Variants in TCOF1 observed in about 807,000 individuals in gnomAD.
TCOF1 encodes treacle ribosome biogenesis factor 1.
Under a neutral mutation model 149.0 loss-of-function variants are expected in TCOF1, and 33 were observed. The ratio of observed to expected loss-of-function variants is 0.22; its 90% CI spans 0.17 to 0.30. The LOEUF (loss-of-function observed/expected upper bound fraction) is 0.30. Among genes scored for constraint, TCOF1 ranks in the 10% least tolerant of loss-of-function variants. TCOF1 has a pLI of 1.00. For synonymous variants in TCOF1, 789 were observed against 738.8 expected (o/e 1.07, Z -1.10); for missense variants, 1,728 against 1,840.7 (o/e 0.94, Z 1.12).
intron 2 of TCOF1, among the ~76,000 whole-genome samples, chr5:150,363,181 C>T (rs548947736): frequency 1.1e-4 from 17 of 152,246 alleles, no homozygotes; most frequent in African/African-American, 4.1e-4. Context: ...TAGCTGGGAA[C>T]AAACCAGAGA....
chr5:150,372,251 A>C lies in TCOF1; in HGVS notation c.870+15A>C. ...CACGAAGCCAGGTGAGGCCTGGAGG[A>C]GGGCTGCCCCTTGGAGGACCTGCGG... On this transcript the variant is annotated intron_variant, in intron 7 of 26. Transcript: ENST00000643257. The C allele has an allele frequency of 6.3e-7, 1 of 1,598,208 alleles. No individual in the cohort carries two copies. The highest frequency in any genetic ancestry group is 8.5e-7 in the Non-Finnish European group (1 of 1,172,684).
chr5:150,360,132 G>A (rs1759702554), intron 1 of TCOF1, among the ~76,000 whole-genome samples: 1 of 152,170 alleles, frequency 6.6e-6, no homozygotes, highest in Admixed American at 6.5e-5. Context: ...ACTGACAGAT[G>A]GTCTTGTTCA....
Position 150,374,331 on chromosome 5 carries a change from G to C in TCOF1, c.1028G>C (p.Ser343Thr), listed in dbSNP as rs144327167. 1 of 1,571,548 alleles carries C rather than the reference G, an allele frequency of 6.4e-7. No homozygotes were observed. Among genetic ancestry groups the C allele is most frequent in the Admixed American group, 1.9e-5 (1 of 53,488 alleles). The change falls in exon 8 of 27, where the codon AGC (serine) becomes ACC (threonine). Residue 343 changes from serine to threonine, a missense_variant. By Grantham distance (58) the Ser-to-Thr change is moderately conservative (BLOSUM62 1). Coordinates refer to ENST00000643257, the MANE Select transcript of TCOF1 (RefSeq NM_001371623.1). ...CCAGAGGAGGACTCAGAGAGCAGCA[G>C]CGAGGAGTCATCTGACAGTGAGGAG... ...GKPEEDSESS[S>T]EESSDSEEET...
chr5:150,387,967 C>T lies in TCOF1; in HGVS notation c.2925C>T (p.Pro975=), dbSNP rs747824448. 2.4e-5 allele frequency: 38 copies of T among 1,613,898 alleles called. No homozygotes were observed. Among genetic ancestry groups the T allele is most frequent in the East Asian group, 8.9e-5 (4 of 44,894 alleles). The change falls in exon 18 of 27, where the codon CCC becomes CCT. Residue 975 remains proline, a synonymous_variant. Coordinates refer to ENST00000643257, the MANE Select transcript of TCOF1 (RefSeq NM_001371623.1). The part of the protein sequence containing the change: ...NRSPAGPAAT[P]AQAQAASTPR... ...GTCCAGCTGGCCCAGCTGCTACACC[C>T]GCACAAGCCCAGGCTGCAAGCACCC...
chr5:150,370,165 A>G (rs1324399753), intron 6 of TCOF1, among the ~76,000 whole-genome samples: 1 of 152,172 alleles, frequency 6.6e-6, no homozygotes, highest in Admixed American at 6.5e-5. Context: ...GAATATAGTG[A>G]TGAGCAGGAC....
intron 18 of TCOF1, among the ~76,000 whole-genome samples, chr5:150,388,754 A>G (rs1325833347): frequency 1.3e-5 from 2 of 152,190 alleles, no homozygotes; most frequent in Admixed American, 1.3e-4. Context: ...CCTGGGTAAC[A>G]TGGCGAAACC....
At chr5:150,379,993 A>G (rs1581144920) in intron 17 of TCOF1, 1 of 434,886 alleles carries the variant, frequency 2.3e-6, no homozygotes, top group East Asian at 5.1e-5. Context: ...AATCCCTAGA[A>G]CCTGGGAGGC....
Position 150,364,264 on chromosome 5 carries a change from G to A in TCOF1, c.304+12G>A. The A allele has an allele frequency of 2.5e-6, 4 of 1,614,082 alleles. No individual in the cohort carries two copies. Among genetic ancestry groups the A allele is most frequent in the Non-Finnish European group, 3.4e-6 (4 of 1,179,968 alleles). On this transcript the variant is annotated intron_variant, in intron 3 of 26. Transcript: ENST00000643257. ...AACCGCCAAAGCCAGTAAGAGCCTTGCAGCTTTGGGAACAGGCTATGGAAT... is the reference window on the plus strand; with the variant it reads ...AACCGCCAAAGCCAGTAAGAGCCTTACAGCTTTGGGAACAGGCTATGGAAT...
chr5:150,399,467 C>T (rs7702237), intron 26 of TCOF1, among the ~76,000 whole-genome samples: 12,554 of 152,060 alleles, frequency 0.083, 596 homozygotes, highest in African/African-American at 0.12. Context: ...ATGGTTTACT[C>T]AAGATGAGCT....
chr5:150,385,992 T>C (rs1238459705), intron 17 of TCOF1, among the ~76,000 whole-genome samples: 2 of 152,166 alleles, frequency 1.3e-5, no homozygotes, highest in Admixed American at 1.3e-4. Flanking sequence ...GCCGTTTCAT[T>C]AAACGGGAAA....
rs749600988 is a variant in TCOF1 at position 150,379,594 on chromosome 5, C to T, written c.2721C>T (p.Pro907=). The T allele has an allele frequency of 6.8e-6, 11 of 1,614,066 alleles. No homozygotes were observed. The East Asian group carries it at 1.6e-4, about 23-fold the overall frequency. The part of the protein sequence containing the change: ...RAALAPAKES[P]RKGAAPTPPG... ...CCTTGGCTCCTGCCAAGGAGTCCCC[C>T]AGGAAAGGGGCTGCCCCAACACCTC... The change falls in exon 17 of 27, where the codon CCC becomes CCT. Residue 907 remains proline (P), a synonymous_variant. Transcript: ENST00000643257.
chr5:150,375,352 G>A lies in TCOF1; in HGVS notation c.1502G>A (p.Gly501Glu), dbSNP rs201581867. The A allele has an allele frequency of 8.3e-5, 133 of 1,611,594 alleles. No individual in the cohort carries two copies. The African/African-American group carries it at 1.7e-3, about 20-fold the overall frequency. The change falls in exon 11 of 27, where the codon GGG becomes GAG. Residue 501 changes from glycine to glutamate, a missense_variant. By Grantham distance (98) the Gly-to-Glu change is moderately conservative. This residue lies in a region of TCOF1 where 1,696 missense variants were observed against 1,765.4 expected (regional missense o/e 0.96). Transcript: ENST00000643257. ...AMNAAQVKPL[G>E]KSPQVKPAST... is the part of the protein sequence containing the mutation. Reference sequence around the variant, plus strand: ...TGTGTCTCCCAGGTGAAGCCCTTGGGGAAAAGCCCCCAGGTGAAACCTGCC... The same window carrying A: ...TGTGTCTCCCAGGTGAAGCCCTTGGAGAAAAGCCCCCAGGTGAAACCTGCC...
rs1762678414 is a variant in TCOF1 at position 150,372,134 on chromosome 5, C to T, written c.768C>T (p.Ala256=). ...GDVTPQVKGG[A]LPPAKRAKKP... Reference sequence around the variant, plus strand: ...TGACACCCCAGGTCAAAGGAGGGGCCCTGCCCCCAGCCAAGAGGGCCAAGA... The same window carrying T: ...TGACACCCCAGGTCAAAGGAGGGGCTCTGCCCCCAGCCAAGAGGGCCAAGA... The change falls in exon 7 of 27, where the codon GCC becomes GCT. Residue 256 remains alanine, a synonymous_variant. Coordinates refer to ENST00000643257, the MANE Select transcript of TCOF1 (RefSeq NM_001371623.1). The T allele has an allele frequency of 2.5e-6, 4 of 1,614,206 alleles. No individual in the cohort carries two copies. Among genetic ancestry groups the T allele is most frequent in the Non-Finnish European group, 3.4e-6 (4 of 1,180,032 alleles).
Position 150,396,544 on chromosome 5 carries a change from G to T in TCOF1, c.4047G>T (p.Lys1349Asn), listed in dbSNP as rs748077242. Residue 1349 changes from lysine to asparagine, a missense_variant, in exon 24 of 27, where the codon AAG (lysine) becomes AAT (asparagine). This residue lies in a region of TCOF1 where 1,696 missense variants were observed against 1,765.4 expected (regional missense o/e 0.96). Transcript: ENST00000643257. ...SRKGWESRKR[K>N]LSGDQPAART... ...AGGGCTGGGAGAGCCGCAAGCGGAA[G>T]CTATCGGGAGACCAGCCAGCTGCCA... 8 of 1,595,306 alleles carry T rather than the reference G, an allele frequency of 5.0e-6. No individual in the cohort carries two copies. The highest frequency in any genetic ancestry group is 6.8e-6 in the Non-Finnish European group (8 of 1,171,120).
In TCOF1 at chr5:150,374,772, C is replaced by T. The variant is rs1562343785; in HGVS notation, c.1239C>T (p.Ser413=). 1.2e-6 allele frequency: 2 copies of T among 1,612,796 alleles called. No homozygotes were observed. The highest frequency in any genetic ancestry group is 1.1e-5 in the South Asian group (1 of 91,000). The change falls in exon 9 of 27, where the codon AGC becomes AGT. Residue 413 remains serine, a synonymous_variant. Transcript: ENST00000643257. The part of the protein sequence containing the change: ...AGKREEDSQS[S]SEESDSEEEA... The stretch of plus-strand genomic sequence containing the variant: ...AGCGGGAGGAGGACTCGCAGAGCAG[C>T]AGCGAGGAATCGGACAGTGAGGAGG...
Position 150,374,335 on chromosome 5 carries a change from G to A in TCOF1, c.1032G>A (p.Glu344=), listed in dbSNP as rs1218866879. The A allele has an allele frequency of 6.4e-7, 1 of 1,568,696 alleles. No individual in the cohort carries two copies. The highest frequency in any genetic ancestry group is 1.2e-5 in the South Asian group (1 of 86,114). ...KPEEDSESSS[E]ESSDSEEETP... ...AGGAGGACTCAGAGAGCAGCAGCGA[G>A]GAGTCATCTGACAGTGAGGAGGAGA... The change falls in exon 8 of 27, where the codon GAG becomes GAA. Residue 344 remains glutamate (E), a synonymous_variant. Coordinates refer to ENST00000643257, the MANE Select transcript of TCOF1 (RefSeq NM_001371623.1).
intron 17 of TCOF1, among the ~76,000 whole-genome samples, chr5:150,383,482 A>T (rs1263522247): frequency 6.6e-6 from 1 of 152,196 alleles, no homozygotes; most frequent in East Asian, 1.9e-4. Context: ...CAGCCATAAA[A>T]TGGGGACAGT....
intron 17 of TCOF1, chr5:150,384,506 G>A: frequency 4.1e-6 from 4 of 985,482 alleles, no homozygotes; most frequent in Non-Finnish European, 3.6e-6. Flanking sequence ...TTGCCCTCTG[G>A]CTCTGTGTGG....
chr5:150,376,485 G>C lies in TCOF1; in HGVS notation c.2205G>C (p.Leu735Phe), dbSNP rs200577796. The change falls in exon 14 of 27, where the codon TTG (leucine) becomes TTC (phenylalanine). Residue 735 changes from leucine to phenylalanine, a missense_variant. Physicochemically the swap from Leu to Phe is conservative, Grantham distance 22 (BLOSUM62 0). This residue lies in a region of TCOF1 where 1,696 missense variants were observed against 1,765.4 expected (regional missense o/e 0.96). Transcript: ENST00000643257. ...CCTCAGTGCCTGTCAAGGGGTCCTTGGGGCAAGGGACTGCTCCAGTACTCC... is the reference window on the plus strand; with the variant it reads ...CCTCAGTGCCTGTCAAGGGGTCCTTCGGGCAAGGGACTGCTCCAGTACTCC... ...KAASVPVKGS[L>F]GQGTAPVLPG... 8.5e-5 allele frequency: 137 copies of C among 1,614,152 alleles called. No individual in the cohort carries two copies. Among genetic ancestry groups the C allele is most frequent in the Middle Eastern group, 3.3e-4 (2 of 6,050 alleles).
Sources: allele counts gnomAD v4.1 joint callset (sites outside exome capture counted in the v4.1 genomes callset), GRCh38; gene constraint gnomAD v4.1.1; regional missense constraint gnomAD v4.1.1; transcripts MANE v1.5; gene names NCBI Gene and HGNC (gene_info 2026-07-23, HGNC 2026-07-21).